LRP1B: variants seen among roughly 807,000 people sequenced by gnomAD.
LRP1B encodes low-density lipoprotein receptor-related protein 1B.
Under a neutral mutation model 556.6 loss-of-function variants are expected in LRP1B, and 217 were observed. That is an observed-to-expected ratio of 0.39 (90% CI 0.35 to 0.44). LRP1B has a LOEUF of 0.44. Among genes scored for constraint, LRP1B ranks in the 20% least tolerant of loss-of-function variants. The pLI, the probability that LRP1B is intolerant of heterozygous loss-of-function variation, is 1.00. For missense variants in LRP1B, 5,053 were observed against 5,620.8 expected (o/e 0.90, Z 3.23); for synonymous variants, 2,047 against 1,865.8 (o/e 1.10, Z -2.50).
intron 3 of LRP1B, among the ~76,000 whole-genome samples, chr2:141,294,680 C>T (rs1021077808): frequency 3.3e-5 from 5 of 150,052 alleles, no homozygotes; most frequent in African/African-American, 4.9e-5. Context: ...TTCAAGGATA[C>T]GGTGCACCAT....
intron 1 of LRP1B, among the ~76,000 whole-genome samples, chr2:141,940,370 G>A (rs1007525748): frequency 6.6e-6 from 1 of 152,098 alleles, no homozygotes; most frequent in Non-Finnish European, 1.5e-5. Context: ...ATGAATAAGT[G>A]TGCTTAAACC....
At chr2:140,347,675 G>T (rs1390863911) in intron 77 of LRP1B, among the ~76,000 whole-genome samples, 5 of 151,944 alleles carry the variant, frequency 3.3e-5, no homozygotes, top group African/African-American at 1.2e-4. Context: ...CTTCCATTTG[G>T]TTCACTGACA....
rs1468223245 is a variant in LRP1B at position 140,828,721 on chromosome 2, C to T, written c.5209+11270G>A. ...AGGAGAATGGCGTGAACCCGGGAGG[C>T]GGAGCTTGCAGTGAACCGAGATCGC... On this transcript the variant is annotated intron_variant, in intron 31 of 90. Transcript: ENST00000389484. 3.3e-5 allele frequency among the ~76,000 whole-genome samples: 2 copies of T among 60,316 alleles called. 1 individual carries two copies. The highest frequency in any genetic ancestry group is 7.5e-5 in the Non-Finnish European group (2 of 26,720). The allele number at this position is 60,316 out of a possible 152,430, so 39.6% of individuals were successfully genotyped here. A position where few individuals can be genotyped will look rare whatever the true frequency, so the allele number is the denominator to read the frequency against.
intron 33 of LRP1B, among the ~76,000 whole-genome samples, chr2:140,771,766 C>T (rs1689320513): frequency 6.6e-6 from 1 of 152,158 alleles, no homozygotes; most frequent in Admixed American, 6.6e-5. Flanking sequence ...CATTAAAAAT[C>T]CCATTTTTAC....
intron 15 of LRP1B, among the ~76,000 whole-genome samples, chr2:140,998,930 A>G (rs1445880529): frequency 2.0e-5 from 3 of 152,100 alleles, no homozygotes. Flanking sequence ...ACTATAATCT[A>G]GACTGAACTA....
chr2:141,555,624 CTCG>C (rs1277591000), intron 2 of LRP1B, among the ~76,000 whole-genome samples: 1 of 151,850 alleles, frequency 6.6e-6, no homozygotes, highest in Non-Finnish European at 1.5e-5. Context: ...AAGGAACAAG[CTCG>C]TCATTATCTG....
At chr2:141,901,059 G>A (rs971271110) in intron 1 of LRP1B, among the ~76,000 whole-genome samples, 16 of 151,906 alleles carry the variant, frequency 1.1e-4, no homozygotes, top group African/African-American at 3.9e-4. Context: ...AACCAATACG[G>A]TTCTTCTTAA....
chr2:140,851,509 G>T (rs1692454471), intron 28 of LRP1B, 143 bp downstream of exon 28: 2 of 788,250 alleles, frequency 2.5e-6, no homozygotes, highest in South Asian at 3.9e-5. Flanking sequence ...ATAGTGGATG[G>T]AAATAGCACC....
chr2:140,564,193 A>C (rs1681042562), intron 43 of LRP1B, among the ~76,000 whole-genome samples: 1 of 152,184 alleles, frequency 6.6e-6, no homozygotes, highest in Admixed American at 6.5e-5. Context: ...AACTCTCCTT[A>C]CATTCTTTAG....
intron 2 of LRP1B, among the ~76,000 whole-genome samples, chr2:141,612,742 C>T (rs1312942997): frequency 2.6e-5 from 4 of 152,126 alleles, no homozygotes; most frequent in African/African-American, 7.2e-5. Flanking sequence ...TTCCCTTTCG[C>T]CTTCGCATCA....
intron 1 of LRP1B, among the ~76,000 whole-genome samples, chr2:142,019,134 A>G (rs887239981): frequency 2.6e-5 from 4 of 152,184 alleles, no homozygotes; most frequent in Non-Finnish European, 5.9e-5. Context: ...CAGAATTGGA[A>G]TAAAAGATTT....
At chr2:142,071,781 C>T (rs959035311) in intron 1 of LRP1B, among the ~76,000 whole-genome samples, 5 of 151,976 alleles carry the variant, frequency 3.3e-5, no homozygotes, top group Non-Finnish European at 7.4e-5. Context: ...TAACCACTTC[C>T]ACCAGGGCTA....
At chr2:140,584,282 T>A (rs140687412) in intron 43 of LRP1B, among the ~76,000 whole-genome samples, 3,988 of 152,080 alleles carry the variant, frequency 0.026, 98 homozygotes, top group Non-Finnish European at 0.036. Flanking sequence ...CTACTTTTCC[T>A]TTTATCTGCT....
At chr2:140,807,803 T>C (rs1314140411) in intron 32 of LRP1B, among the ~76,000 whole-genome samples, 2 of 152,188 alleles carry the variant, frequency 1.3e-5, no homozygotes, top group Non-Finnish European at 2.9e-5. Flanking sequence ...TTGCCAGCTC[T>C]GACAGTTAGG....
intron 41 of LRP1B, among the ~76,000 whole-genome samples, chr2:140,671,584 C>T (rs529560622): frequency 1.1e-3 from 165 of 152,298 alleles, no homozygotes; most frequent in Non-Finnish European, 1.9e-3. Flanking sequence ...GGAACATGCA[C>T]ATTCCTTGGC....
intron 2 of LRP1B, among the ~76,000 whole-genome samples, chr2:141,534,796 C>T (rs1239523133): frequency 6.6e-6 from 1 of 152,088 alleles, no homozygotes; most frequent in East Asian, 1.9e-4. Context: ...TCAAATAGGG[C>T]ATTTTCCTTT....
chr2:141,419,743 C>T (rs908585969), intron 3 of LRP1B, among the ~76,000 whole-genome samples: 3 of 151,800 alleles, frequency 2.0e-5, no homozygotes, highest in Non-Finnish European at 2.9e-5. Context: ...TTCTATATTT[C>T]TATCTCATTT....
intron 2 of LRP1B, among the ~76,000 whole-genome samples, chr2:141,657,287 T>C (rs1194333092): frequency 6.6e-6 from 1 of 152,138 alleles, no homozygotes; most frequent in East Asian, 1.9e-4. Flanking sequence ...AATTCAATCT[T>C]GAATGGTGAT....
At chr2:141,892,930 A>G (rs1057328129) in intron 1 of LRP1B, among the ~76,000 whole-genome samples, 2 of 152,120 alleles carry the variant, frequency 1.3e-5, no homozygotes, top group Non-Finnish European at 2.9e-5. Flanking sequence ...ATTATGTGAT[A>G]ATTTGAGCTA....
Sources: gnomAD v4.1 joint callset for allele counts (sites outside exome capture counted in the v4.1 genomes callset) on GRCh38, gnomAD v4.1.1 for gene constraint, MANE v1.5 for transcripts, NCBI Gene and HGNC (gene_info 2026-07-23, HGNC 2026-07-21) for gene names.